GYS2: variants seen among roughly 807,000 people sequenced by gnomAD.
The protein encoded by GYS2 is glycogen synthase 2.
Under a neutral mutation model 85.6 loss-of-function variants are expected in GYS2, and 80 were observed. That is an observed-to-expected ratio of 0.93 (90% confidence interval 0.78 to 1.13). The LOEUF is 1.13. Ranked by LOEUF, GYS2 falls within the 50% of genes most tolerant of loss-of-function variation. The pLI, the probability that GYS2 is intolerant of heterozygous loss-of-function variation, is 0.00. For synonymous variants in GYS2, 328 were observed against 300.7 expected (o/e 1.09, Z -0.94); for missense variants, 881 against 854.9 (o/e 1.03, Z -0.38).
intron 4 of GYS2, among the ~76,000 whole-genome samples, chr12:21,572,007 CG>C (rs994213368): frequency 5.5e-5 from 1 of 18,296 alleles, no homozygotes; most frequent in Admixed American, 6.0e-4. Flanking sequence ...GGGGGTGGGG[CG>C]GGGGGCAAAA....
intron 15 of GYS2, among the ~76,000 whole-genome samples, chr12:21,538,840 A>G (rs1020200105): frequency 6.6e-6 from 1 of 152,162 alleles, no homozygotes; most frequent in Non-Finnish European, 1.5e-5. Context: ...TGATGAATGG[A>G]CCATAAATGC....
chr12:21,537,174 G>C lies in GYS2; in HGVS notation c.1892C>G (p.Thr631Arg), dbSNP rs147224434. Reference protein sequence around the residue: ...FHVELTSPPTTEGFKYPRPSS... With the variant: ...FHVELTSPPTREGFKYPRPSS... ...AGGCCTGGGATATTTAAATCCTTCT[G>C]TCTGCCAAAGACAAAAATAAGACAT... is the stretch of plus-strand genomic sequence containing the variant. Residue 631 changes from threonine to arginine, a missense_variant and splice_region_variant, in exon 16 of 16, where the codon ACA becomes AGA. Thr to Arg is a moderately conservative substitution (Grantham distance 71). Transcript: ENST00000261195. 15 of 1,610,082 alleles carry C rather than the reference G, an allele frequency of 9.3e-6. No homozygotes were observed. Among genetic ancestry groups the C allele is most frequent in the East Asian group, 2.2e-5 (1 of 44,884 alleles).
intron 1 of GYS2, among the ~76,000 whole-genome samples, chr12:21,597,284 G>A (rs967358817): frequency 3.3e-5 from 5 of 152,132 alleles, no homozygotes; most frequent in East Asian, 1.9e-4. Flanking sequence ...TGTTGAATGC[G>A]AGAAAATATT....
intron 13 of GYS2, 66 bp downstream of exon 13, chr12:21,542,429 AG>A: frequency 1.1e-6 from 1 of 920,140 alleles, no homozygotes; most frequent in Non-Finnish European, 1.8e-6. Flanking sequence ...GGCTCTGTAA[AG>A]ACCCTGTGCT....
At chr12:21,561,832 T>A (rs1157444093) in intron 7 of GYS2, among the ~76,000 whole-genome samples, 1 of 152,198 alleles carries the variant, frequency 6.6e-6, no homozygotes, top group Non-Finnish European at 1.5e-5. Flanking sequence ...TAACGTGGCT[T>A]TAGTAAATTT....
At chr12:21,583,082 T>C (rs1591805154) in intron 1 of GYS2, among the ~76,000 whole-genome samples, 1 of 152,158 alleles carries the variant, frequency 6.6e-6, no homozygotes, top group Non-Finnish European at 1.5e-5. Context: ...TGGAGAGAAC[T>C]TGCTCACCTT....
chr12:21,577,333 A>G (rs574242439), intron 2 of GYS2, among the ~76,000 whole-genome samples: 5 of 152,342 alleles, frequency 3.3e-5, no homozygotes, highest in Non-Finnish European at 7.3e-5. Flanking sequence ...CATGATACAT[A>G]AGCTAAGATC....
At chr12:21,559,630 G>C (rs1306967399) in intron 9 of GYS2, 21 bp downstream of exon 9, 3 of 1,306,534 alleles carry the variant, frequency 2.3e-6, no homozygotes, top group Non-Finnish European at 3.3e-6. Context: ...GATTGAAGTA[G>C]AAAGCATTTC....
In GYS2 at chr12:21,576,014, A is replaced by C. The variant is rs752934036; in HGVS notation, c.347T>G (p.Val116Gly). The change falls in exon 3 of 16, where the codon GTA (valine) becomes GGA (glycine). Residue 116 changes from valine to glycine, a missense_variant. Transcript: ENST00000261195. ...RWLIEGSPYV[V>G]LFDIGYSAWN... ...AGCTGAATAGCCTATGTCAAAAAGT[A>C]CCACATAAGGACTTCCTTCTATCAG... 1 of 1,613,666 alleles carries C rather than the reference A, an allele frequency of 6.2e-7. No homozygotes were observed. The highest frequency in any genetic ancestry group is 1.7e-5 in the Admixed American group (1 of 59,996).
intron 11 of GYS2, among the ~76,000 whole-genome samples, chr12:21,555,916 C>G (rs984914382): frequency 6.6e-6 from 1 of 152,166 alleles, no homozygotes; most frequent in Non-Finnish European, 1.5e-5. Flanking sequence ...TGGCCTAGGG[C>G]CATCTATGTG....
rs1426753727 is a variant in GYS2, at chr12:21,539,247, T to G, written c.1890+11A>C. On this transcript the variant is annotated intron_variant, in intron 15 of 15. Coordinates refer to ENST00000261195, the MANE Select transcript of GYS2 (RefSeq NM_021957.4). ...ATATAGCTTTCAAAAAAAAATACAT[T>G]GAATATTTACCGTTGGTGGTGATGT... The G allele has an allele frequency of 6.8e-7, 1 of 1,460,478 alleles. No individual in the cohort carries two copies. Among genetic ancestry groups the G allele is most frequent in the East Asian group, 2.3e-5 (1 of 44,138 alleles). 90.5% of individuals were successfully genotyped at this position (1,460,478 alleles called of 1,614,324 possible).
intron 12 of GYS2, among the ~76,000 whole-genome samples, 196 bp from the exon 13 acceptor site, chr12:21,542,787 C>T (rs539848425): frequency 1.3e-5 from 2 of 152,302 alleles, no homozygotes; most frequent in South Asian, 2.1e-4. Context: ...CCATCATTAT[C>T]CCCATCTTAC....
At chr12:21,547,882 T>C (rs1251333307) in intron 11 of GYS2, among the ~76,000 whole-genome samples, 1 of 152,168 alleles carries the variant, frequency 6.6e-6, no homozygotes, top group Non-Finnish European at 1.5e-5. Flanking sequence ...ACACTGTACT[T>C]TCTGTTCAAT....
chr12:21,548,041 A>T (rs925918889), intron 11 of GYS2, among the ~76,000 whole-genome samples: 3 of 152,178 alleles, frequency 2.0e-5, no homozygotes, highest in East Asian at 1.9e-4. Context: ...TAACCAATTT[A>T]TGGTTTCAAT....
intron 11 of GYS2, among the ~76,000 whole-genome samples, chr12:21,552,272 C>A (rs1648037927): frequency 6.6e-6 from 1 of 152,216 alleles, no homozygotes; most frequent in African/African-American, 2.4e-5. Context: ...TACACCGTGG[C>A]AGCCCAGAGC....
chr12:21,601,235 A>G (rs779220027), intron 1 of GYS2, among the ~76,000 whole-genome samples: 5 of 152,024 alleles, frequency 3.3e-5, no homozygotes, highest in Non-Finnish European at 5.9e-5. Flanking sequence ...GGGTCACACC[A>G]CAGTCTAATT....
At chr12:21,604,185 A>G (rs1944782010) in intron 1 of GYS2, among the ~76,000 whole-genome samples, 1 of 152,094 alleles carries the variant, frequency 6.6e-6, no homozygotes, top group African/African-American at 2.4e-5. Context: ...TTAACTTTTT[A>G]TTTCTATGTT....
At chr12:21,557,467 C>A (rs1367271872) in intron 11 of GYS2, among the ~76,000 whole-genome samples, 1 of 152,128 alleles carries the variant, frequency 6.6e-6, no homozygotes, top group Non-Finnish European at 1.5e-5. Flanking sequence ...ACATTATCAG[C>A]CACATTCTCT....
In GYS2 at chr12:21,537,195, G is replaced by A. The variant is rs372222880; in HGVS notation, c.1891-20C>T. 2.6e-6 allele frequency: 4 copies of A among 1,547,244 alleles called. No homozygotes were observed. In the African/African-American group the frequency reaches 5.4e-5, roughly 21 times the overall value. On this transcript the variant is annotated intron_variant, in intron 15 of 15. Coordinates refer to ENST00000261195, the MANE Select transcript of GYS2 (RefSeq NM_021957.4). ...TTCTGTCTGCCAAAGACAAAAATAA[G>A]ACATAAACATCACAACAGTTTCTTG...
Sources: gnomAD v4.1 joint callset for allele counts (sites outside exome capture counted in the v4.1 genomes callset) on GRCh38, gnomAD v4.1.1 for gene constraint, MANE v1.5 for transcripts, NCBI Gene and HGNC (gene_info 2026-07-23, HGNC 2026-07-21) for gene names.